PPM1H: variants seen among roughly 807,000 people sequenced by gnomAD.
The protein encoded by PPM1H is protein phosphatase, Mg2+/Mn2+ dependent 1H.
A neutral mutation model predicts 54.9 loss-of-function variants in PPM1H; 27 were observed. The observed-to-expected ratio is 0.49, with a 90% confidence interval of 0.36 to 0.68. PPM1H has a LOEUF of 0.68. Ranked by LOEUF, PPM1H falls within the 30% of genes least tolerant of loss-of-function variation. The probability of loss-of-function intolerance (pLI) is 0.00; values close to 1 mark genes in which losing one functional copy is unlikely to be tolerated. For missense variants in PPM1H, 596 were observed against 667.8 expected (o/e 0.89, Z 1.19); for synonymous variants, 305 against 270.8 (o/e 1.13, Z -1.24).
At chr12:62,929,989 G>C (rs183301637) in intron 1 of PPM1H, among the ~76,000 whole-genome samples, 3 of 152,224 alleles carry the variant, frequency 2.0e-5, no homozygotes, top group South Asian at 2.1e-4. Context: ...CAGTAAGAGG[G>C]GCAGGTATGC....
chr12:62,897,358 TAAC>T (rs1871027051), intron 1 of PPM1H, among the ~76,000 whole-genome samples: 1 of 152,164 alleles, frequency 6.6e-6, no homozygotes, highest in South Asian at 2.1e-4. Context: ...CATACACTAA[TAAC>T]AGCCTCAGGC....
intron 1 of PPM1H, among the ~76,000 whole-genome samples, chr12:62,882,621 C>T (rs145352442): frequency 4.6e-5 from 7 of 152,308 alleles, no homozygotes; most frequent in Non-Finnish European, 5.9e-5. Context: ...CCTTGCTCCA[C>T]GTTCCAAAAT....
At chr12:62,810,029 C>A (rs1410938857) in intron 2 of PPM1H, among the ~76,000 whole-genome samples, 1 of 152,062 alleles carries the variant, frequency 6.6e-6, no homozygotes, top group Non-Finnish European at 1.5e-5. Context: ...ATGCATCAGC[C>A]CTGCTCACAG....
At chr12:62,688,583 G>T (rs1159798516) in intron 8 of PPM1H, among the ~76,000 whole-genome samples, 5 of 152,122 alleles carry the variant, frequency 3.3e-5, no homozygotes, top group African/African-American at 1.2e-4. Context: ...TAAGACACAT[G>T]ATTTTTTTTA....
chr12:62,798,931 T>G (rs1277123839), intron 3 of PPM1H, among the ~76,000 whole-genome samples: 1 of 152,190 alleles, frequency 6.6e-6, no homozygotes, highest in African/African-American at 2.4e-5. Flanking sequence ...TTTACCAGAC[T>G]CCTGCATCAC....
chr12:62,721,840 C>CA (rs942400071), intron 5 of PPM1H, among the ~76,000 whole-genome samples: 62 of 152,234 alleles, frequency 4.1e-4, no homozygotes, highest in African/African-American at 1.4e-3. Context: ...TTTCTGCTTA[C>CA]AAAAAATTAT....
At chr12:62,798,202 G>C (rs1436087715) in intron 3 of PPM1H, among the ~76,000 whole-genome samples, 1 of 152,176 alleles carries the variant, frequency 6.6e-6, no homozygotes, top group Non-Finnish European at 1.5e-5. Flanking sequence ...AGTATTTAAA[G>C]GGGAAAAGTG....
intron 1 of PPM1H, among the ~76,000 whole-genome samples, chr12:62,841,972 TG>T (rs745345825): frequency 3.3e-4 from 50 of 152,190 alleles, no homozygotes; most frequent in Admixed American, 1.3e-3. Flanking sequence ...AATAATCCTC[TG>T]GGTCCCCTTG....
At chr12:62,926,938 A>G (rs1414828159) in intron 1 of PPM1H, among the ~76,000 whole-genome samples, 1 of 152,228 alleles carries the variant, frequency 6.6e-6, no homozygotes, top group Non-Finnish European at 1.5e-5. Context: ...TGCAGGACAG[A>G]GCAAGACTCT....
intron 4 of PPM1H, among the ~76,000 whole-genome samples, chr12:62,753,616 G>A (rs191046186): frequency 3.9e-5 from 6 of 152,256 alleles, no homozygotes; most frequent in South Asian, 2.1e-4. Flanking sequence ...ATGTAAAATC[G>A]GAACTGTTCT....
Position 62,853,275 on chromosome 12 carries a change from G to A in PPM1H, c.246-20996C>T, listed in dbSNP as rs567888697. On this transcript the variant is annotated intron_variant, in intron 1 of 9. Transcript: ENST00000228705. ...ATTTAGGGAGATAAAGCAAACTAGCGAAATGTTAATAACATGAATCTAGGT... is the reference window on the plus strand; with the variant it reads ...ATTTAGGGAGATAAAGCAAACTAGCAAAATGTTAATAACATGAATCTAGGT... 6.6e-5 allele frequency among the ~76,000 whole-genome samples: 10 copies of A among 152,144 alleles called. No individual in the cohort carries two copies. The East Asian group carries it at 1.5e-3, about 23-fold the overall frequency.
Position 62,647,372 on chromosome 12 carries a change from A to G in PPM1H, c.*1117T>C, listed in dbSNP as rs1376696771. 2 of 152,226 alleles carry G rather than the reference A, an allele frequency of 1.3e-5. No homozygotes were observed. Among genetic ancestry groups the G allele is most frequent in the Admixed American group, 6.5e-5 (1 of 15,288 alleles). The allele number at this position is 152,226 out of a possible 1,614,324, so 9.4% of individuals were successfully genotyped here. A position where few individuals can be genotyped will look rare whatever the true frequency, so the allele number is the denominator to read the frequency against. On this transcript the variant is annotated 3_prime_UTR_variant, in exon 10 of 10. Coordinates refer to ENST00000228705, the MANE Select transcript of PPM1H (RefSeq NM_020700.2). ...GGGAGAGCAGAACTGCTGCTCCTTG[A>G]CAGAACTCTGATCCTTACACTTTGT... is the stretch of plus-strand genomic sequence containing the variant.
At chr12:62,932,245 A>T (rs1018363788) in intron 1 of PPM1H, among the ~76,000 whole-genome samples, 2 of 152,076 alleles carry the variant, frequency 1.3e-5, no homozygotes, top group African/African-American at 2.4e-5. Flanking sequence ...CTTTTTAGGG[A>T]TGCGGAAATG....
chr12:62,645,535 G>C lies in PPM1H; in HGVS notation c.*2954C>G, dbSNP rs1020801190. 1 of 152,330 alleles carries C rather than the reference G, an allele frequency of 6.6e-6. No homozygotes were observed. The highest frequency in any genetic ancestry group is 2.4e-5 in the African/African-American group (1 of 41,430). 9.4% of individuals were successfully genotyped at this position (152,330 alleles called of 1,614,324 possible). ...AGCAGAACACACCCTCCACCTCTCT[G>C]ACTGCTGACACTGGCTACAGGAATA... On this transcript the variant is annotated 3_prime_UTR_variant, in exon 10 of 10. Coordinates refer to ENST00000228705, the MANE Select transcript of PPM1H (RefSeq NM_020700.2).
Position 62,934,658 on chromosome 12 carries a change from C to G in PPM1H, c.79G>C (p.Gly27Arg). The G allele has an allele frequency of 6.3e-7, 1 of 1,599,658 alleles. No individual in the cohort carries two copies. Among genetic ancestry groups the G allele is most frequent in the South Asian group, 1.1e-5 (1 of 88,634 alleles). The change falls in exon 1 of 10, where the codon GGC becomes CGC. Residue 27 changes from glycine to arginine, a missense_variant. Gly to Arg is a moderately radical substitution (Grantham distance 125). Transcript: ENST00000228705. This position sits in a 1 kb window ranked among gnomAD's most constrained non-coding sequence, Gnocchi z 4.2. ...AGGTCCGAGCCTCCGCAGCTGCCGC[C>G]GCCGTGCTCGGAGCCTGAGCTGCCA... ...MAGSSGSEHG[G>R]GSCGGSDLPL...
At chr12:62,703,975 C>CGTGTGTGTGTGTGTGTGTGTGT (rs4026211) in intron 6 of PPM1H, among the ~76,000 whole-genome samples, 4 of 146,552 alleles carry the variant, frequency 2.7e-5, no homozygotes, top group African/African-American at 1.0e-4. Flanking sequence ...AGAGAGAAAG[C>CGTGTGTGTGTGTGTGTGTGTGT]GTGTGTGTGT....
intron 2 of PPM1H, among the ~76,000 whole-genome samples, chr12:62,811,010 C>T (rs966863819): frequency 6.6e-6 from 1 of 152,166 alleles, no homozygotes; most frequent in Non-Finnish European, 1.5e-5. Flanking sequence ...AGAATATGAT[C>T]AGGTAATTAC....
intron 5 of PPM1H, among the ~76,000 whole-genome samples, chr12:62,733,876 T>G (rs2076337047): frequency 6.6e-6 from 1 of 152,184 alleles, no homozygotes; most frequent in South Asian, 2.1e-4. Flanking sequence ...GCATTAATCT[T>G]AGCAACGTTA....
chr12:62,726,454 G>GA lies in PPM1H; in HGVS notation c.955-6166dup, dbSNP rs974207419. Among the ~76,000 whole-genome samples, 127 of 146,222 alleles carry GA rather than the reference G, an allele frequency of 8.7e-4. No individual in the cohort carries two copies. In the Middle Eastern group the frequency reaches 0.021, roughly 24 times the overall value. On this transcript the variant is annotated intron_variant, in intron 5 of 9. Transcript: ENST00000228705. ...CATTGGACACAGATTACTTTCATTT[G>GA]AAAAAAAAAACCCTCTAAAAATTAG...
Sources: allele counts gnomAD v4.1 joint callset (sites outside exome capture counted in the v4.1 genomes callset), GRCh38; gene constraint gnomAD v4.1.1; non-coding constraint Gnocchi (gnomAD v3.1); transcripts MANE v1.5; gene names NCBI Gene and HGNC (gene_info 2026-07-23, HGNC 2026-07-21).